The following FOXJ3 variants were observed in gnomAD, a reference collection of about 807,000 sequenced individuals.
FOXJ3 encodes forkhead box J3, also known as forkhead box protein J3.
FOXJ3 carries 22 observed loss-of-function variants against 76.1 expected under a neutral mutation model. The ratio of observed to expected loss-of-function variants is 0.29; its 90% CI spans 0.21 to 0.41. FOXJ3 has a LOEUF of 0.41. Ranked by LOEUF, FOXJ3 falls within the 10% of genes least tolerant of loss-of-function variation. FOXJ3 has a pLI of 1.00. For synonymous variants in FOXJ3, 269 were observed against 261.2 expected (o/e 1.03, Z -0.29); for missense variants, 613 against 762.1 (o/e 0.80, Z 2.30).
At chr1:42,198,003 A>T (rs1258910548) in intron 7 of FOXJ3, among the ~76,000 whole-genome samples, 1 of 151,802 alleles carries the variant, frequency 6.6e-6, no homozygotes, top group Non-Finnish European at 1.5e-5. Flanking sequence ...TTTTCAATCC[A>T]ATGTTTGGTT....
chr1:42,180,550 T>A (rs1206526846), intron 12 of FOXJ3, among the ~76,000 whole-genome samples: 1 of 152,346 alleles, frequency 6.6e-6, no homozygotes, highest in Middle Eastern at 3.4e-3. Context: ...ATTATACATA[T>A]CCTTTTAACT....
chr1:42,329,962 T>A (rs1656061391), intron 1 of FOXJ3, among the ~76,000 whole-genome samples: 1 of 152,192 alleles, frequency 6.6e-6, no homozygotes, highest in Non-Finnish European at 1.5e-5. Flanking sequence ...AGGGTTCAAA[T>A]CCTGGCTCTT....
chr1:42,236,637 T>C (rs1046998465), intron 4 of FOXJ3, among the ~76,000 whole-genome samples: 3 of 152,264 alleles, frequency 2.0e-5, no homozygotes, highest in African/African-American at 7.2e-5. Context: ...ACTAAAAATC[T>C]CCTTTGCGTG....
intron 2 of FOXJ3, among the ~76,000 whole-genome samples, chr1:42,282,012 T>C (rs934863516): frequency 4.1e-5 from 6 of 148,088 alleles, no homozygotes; most frequent in African/African-American, 1.5e-4. Flanking sequence ...TGAGCCGAGG[T>C]TGCACCACTG....
chr1:42,329,439 A>G (rs940565995), intron 1 of FOXJ3, among the ~76,000 whole-genome samples: 1 of 152,258 alleles, frequency 6.6e-6, no homozygotes, highest in African/African-American at 2.4e-5. Context: ...GACAGTTGTT[A>G]TAAAACGCCA....
chr1:42,246,263 G>C (rs563810077), intron 4 of FOXJ3, among the ~76,000 whole-genome samples: 5 of 152,174 alleles, frequency 3.3e-5, no homozygotes, highest in Non-Finnish European at 1.5e-5. Flanking sequence ...CCATTCATCT[G>C]ACAAGAGACT....
chr1:42,319,902 G>A (rs1655333908), intron 1 of FOXJ3, among the ~76,000 whole-genome samples: 1 of 152,042 alleles, frequency 6.6e-6, no homozygotes, highest in Non-Finnish European at 1.5e-5. Flanking sequence ...ATAGTTTTCT[G>A]GTGGCCTCCA....
At chr1:42,330,326 C>A (rs1043615755) in intron 1 of FOXJ3, among the ~76,000 whole-genome samples, 1 of 152,092 alleles carries the variant, frequency 6.6e-6, no homozygotes, top group Non-Finnish European at 1.5e-5. Flanking sequence ...GGAAAAAAAT[C>A]TTCATTTTAA....
At chr1:42,291,079 T>TAGATAGATAGATAGACAGACAGACAGAC (rs1553167254) in intron 2 of FOXJ3, among the ~76,000 whole-genome samples, 1 of 125,562 alleles carries the variant, frequency 8.0e-6, no homozygotes, top group African/African-American at 3.0e-5. Flanking sequence ...GATAGATAGA[T>TAGATAGATAGATAGACAGACAGACAGAC]AGATAGACAG....
At chr1:42,218,441 C>T (rs1480712266) in intron 5 of FOXJ3, among the ~76,000 whole-genome samples, 1 of 152,178 alleles carries the variant, frequency 6.6e-6, no homozygotes, top group African/African-American at 2.4e-5. Context: ...TCTTCCATCT[C>T]TGTTCCAAAA....
chr1:42,314,719 C>T (rs908944254), intron 1 of FOXJ3, among the ~76,000 whole-genome samples: 1 of 152,186 alleles, frequency 6.6e-6, no homozygotes, highest in Non-Finnish European at 1.5e-5. Flanking sequence ...ACCTAAGTCA[C>T]GTTCTACAAT....
intron 4 of FOXJ3, among the ~76,000 whole-genome samples, chr1:42,250,162 G>A (rs781115801): frequency 2.6e-5 from 4 of 152,196 alleles, no homozygotes; most frequent in Non-Finnish European, 5.9e-5. Flanking sequence ...GAGGAGACTA[G>A]TGGAAAGTGA....
intron 4 of FOXJ3, among the ~76,000 whole-genome samples, chr1:42,264,140 T>G (rs575406647): frequency 7.2e-5 from 11 of 152,162 alleles, no homozygotes; most frequent in Middle Eastern, 3.4e-3. Flanking sequence ...AGAAGTCATG[T>G]TGCAGCTCAA....
intron 1 of FOXJ3, chr1:42,315,520 C>A: frequency 2.4e-6 from 1 of 410,314 alleles, no homozygotes; most frequent in Admixed American, 6.4e-5. Context: ...ATTCTAACTT[C>A]TAGTTATCTT....
intron 2 of FOXJ3, among the ~76,000 whole-genome samples, chr1:42,307,065 G>C (rs769830260): frequency 6.6e-6 from 1 of 152,136 alleles, no homozygotes; most frequent in Non-Finnish European, 1.5e-5. Flanking sequence ...ACTAAAGATG[G>C]ACTGAAAGGT....
chr1:42,188,558 T>A (rs1646482122), intron 11 of FOXJ3, among the ~76,000 whole-genome samples, 179 bp downstream of exon 11: 1 of 152,216 alleles, frequency 6.6e-6, no homozygotes, highest in Admixed American at 6.5e-5. Context: ...TCTCATTACC[T>A]CAATTTTTCT....
At chr1:42,314,044 G>A (rs1470364940) in intron 1 of FOXJ3, among the ~76,000 whole-genome samples, 1 of 152,138 alleles carries the variant, frequency 6.6e-6, no homozygotes, top group Non-Finnish European at 1.5e-5. Flanking sequence ...AAATGGCACA[G>A]CCTTTTCATC....
chr1:42,318,152 C>G (rs1297664637), intron 1 of FOXJ3, among the ~76,000 whole-genome samples: 1 of 152,116 alleles, frequency 6.6e-6, no homozygotes, highest in African/African-American at 2.4e-5. Flanking sequence ...CAATTTAGGA[C>G]CAATCTGCAG....
At chr1:42,219,816 G>C (rs1041848605) in intron 5 of FOXJ3, among the ~76,000 whole-genome samples, 3 of 152,182 alleles carry the variant, frequency 2.0e-5, no homozygotes, top group African/African-American at 7.2e-5. Flanking sequence ...TAATCAGGAA[G>C]CTAAACAGTT....
Sources: allele counts gnomAD v4.1 joint callset (sites outside exome capture counted in the v4.1 genomes callset), GRCh38; gene constraint gnomAD v4.1.1; transcripts MANE v1.5; gene names NCBI Gene and HGNC (gene_info 2026-07-23, HGNC 2026-07-21).